The following PTDSS2 variants were observed in gnomAD, a reference collection of about 807,000 sequenced individuals.
PTDSS2 encodes the protein phosphatidylserine synthase 2.
PTDSS2 carries 41 observed loss-of-function variants against 64.7 expected under a neutral mutation model. That is an observed-to-expected ratio of 0.63 (90% CI 0.49 to 0.82). PTDSS2 has a LOEUF of 0.82. Among genes scored for constraint, PTDSS2 ranks in the 40% least tolerant of loss-of-function variants. The probability of loss-of-function intolerance (pLI) is 0.00; values close to 1 mark genes in which losing one functional copy is unlikely to be tolerated. For synonymous variants in PTDSS2, 297 were observed against 277.8 expected (o/e 1.07, Z -0.69); for missense variants, 485 against 650.0 (o/e 0.75, Z 2.76).
chr11:484,949 GCTCA>G (rs1235105074), intron 4 of PTDSS2, among the ~76,000 whole-genome samples: 62 of 147,084 alleles, frequency 4.2e-4, no homozygotes, highest in South Asian at 2.1e-4. Context: ...GCGCGTGTGT[GCTCA>G]CTGTGTGCGC....
At chr11:489,284 A>C in intron 8 of PTDSS2, 116 bp from the exon 9 acceptor site, 2 of 811,932 alleles carry the variant, frequency 2.5e-6, no homozygotes, top group Admixed American at 4.3e-5. Context: ...CCAAGAGCAG[A>C]GCTCGTCCGA....
Position 488,673 on chromosome 11 carries a change from G to A in PTDSS2, c.854+26G>A, listed in dbSNP as rs1294999511. The A allele has an allele frequency of 2.2e-5, 34 of 1,545,550 alleles. No individual in the cohort carries two copies. The Admixed American group carries it at 5.5e-4, about 25-fold the overall frequency. On this transcript the variant is annotated intron_variant, in intron 8 of 11. Coordinates refer to ENST00000308020, the MANE Select transcript of PTDSS2 (RefSeq NM_030783.3). ...GTACGTCGTGGGGGCTGCGAGGGCA[G>A]GGCCGGGTGGGGGTTACCTGGAGGC...
chr11:459,967 T>G, intron 1 of PTDSS2: 1 of 544,010 alleles, frequency 1.8e-6, no homozygotes, highest in Non-Finnish European at 3.3e-6. Context: ...GCTCTTCCTG[T>G]CCAGCCTCCT....
chr11:487,308 G>T, intron 5 of PTDSS2, 112 bp from the exon 6 acceptor site: 1 of 1,114,244 alleles, frequency 9.0e-7, no homozygotes, highest in South Asian at 1.3e-5. Context: ...GTGAGTCCCT[G>T]GCCTTCTTCC....
At position 476,063 on chromosome 11, in the gene PTDSS2, G is replaced by C. The variant is rs1032282076; in HGVS notation, c.367+2086G>C. 1.3e-5 allele frequency among the ~76,000 whole-genome samples: 2 copies of C among 152,200 alleles called. No individual in the cohort carries two copies. Among genetic ancestry groups the C allele is most frequent in the Non-Finnish European group, 2.9e-5 (2 of 68,032 alleles). On this transcript the variant is annotated intron_variant, in intron 3 of 11. Coordinates refer to ENST00000308020, the MANE Select transcript of PTDSS2 (RefSeq NM_030783.3). The surrounding 1 kb of genome is among the most constrained non-coding windows in gnomAD (Gnocchi z 4.9). The stretch of plus-strand genomic sequence containing the variant: ...GAGTGAAGCTCCCCCACCCACAGAG[G>C]CCCTGAGCAGGGAGCCGTCCGGTGA...
intron 4 of PTDSS2, among the ~76,000 whole-genome samples, chr11:482,033 G>T (rs894082733): frequency 1.3e-5 from 2 of 151,132 alleles, no homozygotes; most frequent in African/African-American, 2.4e-5. Flanking sequence ...ATTTTTAGTA[G>T]AGACAGGGTT....
At chr11:456,056 C>T (rs1045460108) in intron 1 of PTDSS2, among the ~76,000 whole-genome samples, 2 of 152,220 alleles carry the variant, frequency 1.3e-5, no homozygotes, top group South Asian at 2.1e-4. Flanking sequence ...TGCCCTGGCC[C>T]GGGGCACGGA....
At chr11:463,316 C>T (rs1846981897) in intron 2 of PTDSS2, 1 of 151,670 alleles carries the variant, frequency 6.6e-6, no homozygotes, top group Non-Finnish European at 1.5e-5. Context: ...CAAGCTCCGT[C>T]TCCCGGGTTC....
In PTDSS2 at chr11:462,753, C is replaced by T. The variant is rs1015097747; in HGVS notation, c.284+2465C>T. 4.6e-5 allele frequency among the ~76,000 whole-genome samples: 7 copies of T among 152,136 alleles called. No individual in the cohort carries two copies. Among genetic ancestry groups the T allele is most frequent in the East Asian group, 1.9e-4 (1 of 5,190 alleles). On this transcript the variant is annotated intron_variant, in intron 2 of 11. Coordinates refer to ENST00000308020, the MANE Select transcript of PTDSS2 (RefSeq NM_030783.3). This position sits in a 1 kb window ranked among gnomAD's most constrained non-coding sequence, Gnocchi z 4.5. The stretch of plus-strand genomic sequence containing the variant: ...GCAGGGTGTCCACACAGAGGGTGTC[C>T]GCACACAGGGTGCCCACACACAGGG...
Position 479,453 on chromosome 11 carries a change from G to A in PTDSS2, c.435+301G>A. 1 of 489,098 alleles carries A rather than the reference G, an allele frequency of 2.0e-6. No homozygotes were observed. Among genetic ancestry groups the A allele is most frequent in the South Asian group, 2.1e-5 (1 of 46,898 alleles). The allele number at this position is 489,098 out of a possible 1,614,324, so 30.3% of individuals were successfully genotyped here. ...GCAGGGCCACACTTAAGGAGGGCAGGGCCAGTGGTGCAGGCACAGAAGAGG... is the reference window on the plus strand; with the variant it reads ...GCAGGGCCACACTTAAGGAGGGCAGAGCCAGTGGTGCAGGCACAGAAGAGG... On this transcript the variant is annotated intron_variant, in intron 4 of 11. Transcript: ENST00000308020. The surrounding 1 kb of genome is among the most constrained non-coding windows in gnomAD (Gnocchi z 4.2).
At chr11:455,401 G>A (rs531158793) in intron 1 of PTDSS2, among the ~76,000 whole-genome samples, 6 of 152,252 alleles carry the variant, frequency 3.9e-5, no homozygotes, top group African/African-American at 4.8e-5. Context: ...CTCCTGTCCC[G>A]GCATCTGCAC....
chr11:473,984 T>G lies in PTDSS2; in HGVS notation c.367+7T>G. On this transcript the variant is annotated splice_region_variant and intron_variant, in intron 3 of 11. Coordinates refer to ENST00000308020, the MANE Select transcript of PTDSS2 (RefSeq NM_030783.3). ...TTTTCCAGACCTCATCCAGGTAACT[T>G]GCCATTTCCTTTTCCGTGTGCCCCT... 6.2e-7 allele frequency: 1 copy of G among 1,610,112 alleles called. No homozygotes were observed. Among genetic ancestry groups the G allele is most frequent in the Non-Finnish European group, 8.5e-7 (1 of 1,176,336 alleles).
At chr11:465,503 C>T (rs763272145) in intron 2 of PTDSS2, among the ~76,000 whole-genome samples, 1 of 151,776 alleles carries the variant, frequency 6.6e-6, no homozygotes, top group African/African-American at 2.4e-5. Flanking sequence ...CTATCATGCT[C>T]AGCCACAATT....
At chr11:451,344 G>C (rs1590595669) in intron 1 of PTDSS2, 1 of 441,314 alleles carries the variant, frequency 2.3e-6, no homozygotes, top group East Asian at 7.3e-5. Flanking sequence ...GTGGCACTCT[G>C]TGTCCAGACA....
At chr11:477,079 T>C (rs1847842812) in intron 3 of PTDSS2, among the ~76,000 whole-genome samples, 1 of 152,178 alleles carries the variant, frequency 6.6e-6, no homozygotes, top group African/African-American at 2.4e-5. Flanking sequence ...CTGCCCACCT[T>C]CACACTCCCC....
rs1181821007 is a variant in PTDSS2, at chr11:476,503, A to G, written c.367+2526A>G. Among the ~76,000 whole-genome samples, 1 of 152,006 alleles carries G rather than the reference A, an allele frequency of 6.6e-6. No homozygotes were observed. The highest frequency in any genetic ancestry group is 2.4e-5 in the African/African-American group (1 of 41,366). On this transcript the variant is annotated intron_variant, in intron 3 of 11. Transcript: ENST00000308020. This position sits in a 1 kb window ranked among gnomAD's most constrained non-coding sequence, Gnocchi z 4.9. ...GCCGTCCTTGCTTGGAGATGCACCA[A>G]ATCCCTCCTGGGTGGCGGCATCACT...
Position 450,325 on chromosome 11 carries a change from T to A in PTDSS2, c.-131T>A. ...ACTGGCCGGCCCCGCGCTGCTCTCCTAAGACCCCGCGGGCCAGCGCCGCGA... is the reference window on the plus strand; with the variant it reads ...ACTGGCCGGCCCCGCGCTGCTCTCCAAAGACCCCGCGGGCCAGCGCCGCGA... On this transcript the variant is annotated 5_prime_UTR_variant, in exon 1 of 12. Coordinates refer to ENST00000308020, the MANE Select transcript of PTDSS2 (RefSeq NM_030783.3). 1.3e-6 allele frequency: 1 copy of A among 794,764 alleles called. No individual in the cohort carries two copies. Among genetic ancestry groups the A allele is most frequent in the Non-Finnish European group, 1.7e-6 (1 of 594,894 alleles). The allele number at this position is 794,764 out of a possible 1,614,324, so 49.2% of individuals were successfully genotyped here.
intron 2 of PTDSS2, among the ~76,000 whole-genome samples, chr11:473,365 C>A (rs1847570165): frequency 6.6e-6 from 1 of 152,188 alleles, no homozygotes; most frequent in Non-Finnish European, 1.5e-5. Flanking sequence ...GGGGGTCCTG[C>A]CGCGTTGGAG....
chr11:472,882 C>T (rs1038063753), intron 2 of PTDSS2, among the ~76,000 whole-genome samples: 2 of 152,234 alleles, frequency 1.3e-5, no homozygotes, highest in Non-Finnish European at 1.5e-5. Context: ...GCCCAGCGTG[C>T]GAACACGCCA....
Sources: gnomAD v4.1 joint callset for allele counts (sites outside exome capture counted in the v4.1 genomes callset) on GRCh38, gnomAD v4.1.1 for gene constraint, Gnocchi (gnomAD v3.1) non-coding constraint, MANE v1.5 for transcripts, NCBI Gene and HGNC (gene_info 2026-07-23, HGNC 2026-07-21) for gene names.